SLC7A6OS: variants seen among roughly 807,000 people sequenced by gnomAD.
The protein encoded by SLC7A6OS is solute carrier family 7 member 6 opposite strand.
In SLC7A6OS, 22 loss-of-function variants were observed where a neutral mutation model predicts 34.3. The observed-to-expected ratio is 0.64, with a 90% CI of 0.46 to 0.92. SLC7A6OS has a LOEUF of 0.92. Among genes scored for constraint, SLC7A6OS ranks in the 40% least tolerant of loss-of-function variants. The pLI is 0.00. For synonymous variants in SLC7A6OS, 199 were observed against 165.0 expected (o/e 1.21, Z -1.58); for missense variants, 434 against 407.7 (o/e 1.06, Z -0.56).
intron 2 of SLC7A6OS, 66 bp from the exon 3 acceptor site, chr16:68,304,298 C>G (rs1472283086): frequency 1.4e-6 from 2 of 1,452,074 alleles, no homozygotes; most frequent in Non-Finnish European, 1.9e-6. Context: ...AGAGGAGGAA[C>G]CTATGAGTTG....
chr16:68,310,720 C>G lies in SLC7A6OS; in HGVS notation c.192+15G>C, dbSNP rs954542826. On this transcript the variant is annotated intron_variant, in intron 1 of 4. Coordinates refer to ENST00000263997, the MANE Select transcript of SLC7A6OS (RefSeq NM_032178.3). ...CCGAAGATGCCCTCCACACCAGCTG[C>G]ACCACGCCCAATACCTGGGAGCACA... 29 of 1,595,930 alleles carry G rather than the reference C, an allele frequency of 1.8e-5. No individual in the cohort carries two copies. The highest frequency in any genetic ancestry group is 2.3e-5 in the Non-Finnish European group (27 of 1,167,614).
At position 68,302,400 on chromosome 16, in the gene SLC7A6OS, A is replaced by G. The variant is rs2043290505; in HGVS notation, c.780T>C (p.Asp260=). ...RNEYPEEESS[D]GDEDSRGSAD... is the part of the protein sequence containing the mutation. The stretch of plus-strand genomic sequence containing the variant: ...ACCCACCTCTGGAATCCTCATCTCC[A>G]TCACTGCTCTCCTCCTCTGGGTACT... Residue 260 remains aspartate, a synonymous_variant, in exon 4 of 5, where the codon GAT becomes GAC. Transcript: ENST00000263997. The G allele has an allele frequency of 1.2e-6, 2 of 1,614,166 alleles. No homozygotes were observed. Among genetic ancestry groups the G allele is most frequent in the African/African-American group, 2.7e-5 (2 of 75,040 alleles).
rs1159359178 is a variant in SLC7A6OS, at chr16:68,298,949, C to G, written c.*2326G>C. On this transcript the variant is annotated 3_prime_UTR_variant, in exon 5 of 5. Coordinates refer to ENST00000263997, the MANE Select transcript of SLC7A6OS (RefSeq NM_032178.3). ...TCCCTTCCTGACCATTCTTCTCCAC[C>G]CAGTCACAGATAAGGGAATAACCTT... 1 of 152,604 alleles carries G rather than the reference C, an allele frequency of 6.6e-6. No homozygotes were observed. The highest frequency in any genetic ancestry group is 2.4e-5 in the African/African-American group (1 of 41,430). The allele number at this position is 152,604 out of a possible 1,614,324, so 9.5% of individuals were successfully genotyped here. A position where few individuals can be genotyped will look rare whatever the true frequency, so the allele number is the denominator to read the frequency against.
intron 3 of SLC7A6OS, 103 bp from the exon 4 acceptor site, chr16:68,302,604 G>T: frequency 6.9e-7 from 1 of 1,441,874 alleles, no homozygotes; most frequent in Non-Finnish European, 9.6e-7. Context: ...ATGTAAAAGT[G>T]CCCTGTGAAA....
chr16:68,310,636 G>T (rs779969747), intron 1 of SLC7A6OS, 23 bp from the exon 2 acceptor site: 1 of 1,586,272 alleles, frequency 6.3e-7, no homozygotes, highest in East Asian at 2.3e-5. Flanking sequence ...AGGGGACGGA[G>T]GCCAGCGTAA....
chr16:68,298,498 T>A lies in SLC7A6OS; in HGVS notation c.*2777A>T, dbSNP rs759354849. ...TTCTGTCCCTGGCACCAGGCTTTGTTTACACTTGGAGCCACCTTGGTGTGG... is the reference window on the plus strand; with the variant it reads ...TTCTGTCCCTGGCACCAGGCTTTGTATACACTTGGAGCCACCTTGGTGTGG... On this transcript the variant is annotated 3_prime_UTR_variant, in exon 5 of 5. Transcript: ENST00000263997. 1 of 152,262 alleles carries A rather than the reference T, an allele frequency of 6.6e-6. No homozygotes were observed. Among genetic ancestry groups the A allele is most frequent in the Non-Finnish European group, 1.5e-5 (1 of 68,060 alleles). The allele number at this position is 152,262 out of a possible 1,614,324, so 9.4% of individuals were successfully genotyped here.
chr16:68,308,934 C>T (rs74631179), intron 2 of SLC7A6OS, among the ~76,000 whole-genome samples: 1,630 of 151,944 alleles, frequency 0.011, 33 homozygotes, highest in African/African-American at 0.038. Context: ...CGCTTGTAAT[C>T]CCAGCTATTT....
In SLC7A6OS at chr16:68,310,487, A is replaced by G; in HGVS notation, c.319T>C (p.Ser107Pro). Reference protein sequence around the residue: ...VRQEGRYRVLSSRRSLGTTSS... With the variant: ...VRQEGRYRVLPSRRSLGTTSS... Reference sequence around the variant, plus strand: ...GTGGTCCCCAAGGATCGGCGGCTGGAAAGCACCCGGTAGCGGCCCTCCTGC... The same window carrying G: ...GTGGTCCCCAAGGATCGGCGGCTGGGAAGCACCCGGTAGCGGCCCTCCTGC... Residue 107 changes from serine (S) to proline (P), a missense_variant, in exon 2 of 5, where the codon TCC (serine) becomes CCC (proline). Coordinates refer to ENST00000263997, the MANE Select transcript of SLC7A6OS (RefSeq NM_032178.3). 1 of 1,592,364 alleles carries G rather than the reference A, an allele frequency of 6.3e-7. No homozygotes were observed. The highest frequency in any genetic ancestry group is 8.5e-7 in the Non-Finnish European group (1 of 1,170,242).
chr16:68,303,109 C>G (rs1434395587), intron 3 of SLC7A6OS, among the ~76,000 whole-genome samples: 1 of 151,350 alleles, frequency 6.6e-6, no homozygotes, highest in Admixed American at 6.6e-5. Context: ...ACTAAAAATA[C>G]AAAAATTAGC....
At chr16:68,306,453 A>G (rs1444581220) in intron 2 of SLC7A6OS, among the ~76,000 whole-genome samples, 1 of 152,046 alleles carries the variant, frequency 6.6e-6, no homozygotes, top group Non-Finnish European at 1.5e-5. Context: ...TCCTGACCTC[A>G]TGATCCACCC....
intron 2 of SLC7A6OS, 84 bp downstream of exon 2, chr16:68,310,251 G>A: frequency 1.4e-6 from 2 of 1,418,876 alleles, no homozygotes; most frequent in East Asian, 4.7e-5. Context: ...ATCCCCTTAA[G>A]ATGAAACTGT....
rs980645364 is a variant in SLC7A6OS, at chr16:68,299,782, CTGTTA to C, written c.*1488_*1492del. ...TAATATTAGACATACAAGTTGCTGCCTGTTATAACGGTGAATTATACCTTTGTGCA... is the reference window on the plus strand; with the variant it reads ...TAATATTAGACATACAAGTTGCTGCCTAACGGTGAATTATACCTTTGTGCA... On this transcript the variant is annotated 3_prime_UTR_variant, in exon 5 of 5. Coordinates refer to ENST00000263997, the MANE Select transcript of SLC7A6OS (RefSeq NM_032178.3). 8 of 152,204 alleles carry C rather than the reference CTGTTA, an allele frequency of 5.3e-5. No individual in the cohort carries two copies. Among genetic ancestry groups the C allele is most frequent in the African/African-American group, 1.7e-4 (7 of 41,440 alleles). 9.4% of individuals were successfully genotyped at this position (152,204 alleles called of 1,614,324 possible).
rs1431442214 is a variant in SLC7A6OS, at chr16:68,304,049, G to A, written c.655C>T (p.Pro219Ser). 2 of 1,613,636 alleles carry A rather than the reference G, an allele frequency of 1.2e-6. No homozygotes were observed. The highest frequency in any genetic ancestry group is 1.7e-6 in the Non-Finnish European group (2 of 1,179,898). Residue 219 changes from proline (P) to serine (S), a missense_variant, in exon 3 of 5, where the codon CCC (proline) becomes TCC (serine). Physicochemically the swap from Pro to Ser is moderately conservative, Grantham distance 74 (BLOSUM62 -1). Transcript: ENST00000263997. The part of the protein sequence containing the change: ...GWIENILSVQ[P>S]YSQEWELVND... ...ACCAGCTCCCATTCTTGGCTGTAGG[G>A]CTGCACGGAGAGGATGTTCTCAATC...
At position 68,310,504 on chromosome 16, in the gene SLC7A6OS, C is replaced by T. The variant is rs766957520; in HGVS notation, c.302G>A (p.Gly101Asp). 20 of 1,584,232 alleles carry T rather than the reference C, an allele frequency of 1.3e-5. No individual in the cohort carries two copies. In the East Asian group the frequency reaches 4.2e-4, roughly 33 times the overall value. ...GCGGCTGGAAAGCACCCGGTAGCGG[C>T]CCTCCTGCCGGACCTCCCGAGCCGA... is the stretch of plus-strand genomic sequence containing the variant. Reference protein sequence around the residue: ...RASAREVRQEGRYRVLSSRRS... With the variant: ...RASAREVRQEDRYRVLSSRRS... The change falls in exon 2 of 5, where the codon GGC (glycine) becomes GAC (aspartate). Residue 101 changes from glycine (G) to aspartate (D), a missense_variant. Transcript: ENST00000263997.
Position 68,302,366 on chromosome 16 carries a change from G to C in SLC7A6OS, c.799+15C>G. 4 of 1,613,814 alleles carry C rather than the reference G, an allele frequency of 2.5e-6. No individual in the cohort carries two copies. The highest frequency in any genetic ancestry group is 3.4e-6 in the Non-Finnish European group (4 of 1,179,874). ...AGATCCTACCAGTCCCTCCCGGTCT[G>C]GGGCTGCCACCCACCTCTGGAATCC... On this transcript the variant is annotated intron_variant, in intron 4 of 4. Coordinates refer to ENST00000263997, the MANE Select transcript of SLC7A6OS (RefSeq NM_032178.3).
Position 68,304,070 on chromosome 16 carries a change from C to T in SLC7A6OS, c.634G>A (p.Glu212Lys), listed in dbSNP as rs2043308208. The change falls in exon 3 of 5, where the codon GAG (glutamate) becomes AAG (lysine). Residue 212 changes from glutamate to lysine, a missense_variant. Glu to Lys is a moderately conservative substitution (Grantham distance 56). Transcript: ENST00000263997. ...TAGGGCTGCACGGAGAGGATGTTCT[C>T]AATCCAGCCTGGAGTGGCCGTCTCC... ...YLETATPGWI[E>K]NILSVQPYSQ... The T allele has an allele frequency of 1.9e-6, 3 of 1,613,996 alleles. No individual in the cohort carries two copies. The highest frequency in any genetic ancestry group is 2.5e-6 in the Non-Finnish European group (3 of 1,179,970).
intron 2 of SLC7A6OS, among the ~76,000 whole-genome samples, chr16:68,305,351 T>G (rs1194256456): frequency 1.3e-5 from 2 of 152,212 alleles, no homozygotes; most frequent in Non-Finnish European, 2.9e-5. Context: ...TCACCTATAG[T>G]CTTTCTACTG....
chr16:68,300,667 T>A lies in SLC7A6OS; in HGVS notation c.*608A>T. On this transcript the variant is annotated 3_prime_UTR_variant, in exon 5 of 5. Coordinates refer to ENST00000263997, the MANE Select transcript of SLC7A6OS (RefSeq NM_032178.3). ...AACACATGTATCACATTCATATATA[T>A]TGTTTCTTGGCCCCACTGCCAAAGG... 2 of 985,512 alleles carry A rather than the reference T, an allele frequency of 2.0e-6. No homozygotes were observed. Among genetic ancestry groups the A allele is most frequent in the Non-Finnish European group, 2.4e-6 (2 of 829,962 alleles). The allele number at this position is 985,512 out of a possible 1,614,324, so 61.0% of individuals were successfully genotyped here.
In SLC7A6OS at chr16:68,308,163, A is replaced by G. The variant is rs565062841; in HGVS notation, c.471+2172T>C. On this transcript the variant is annotated intron_variant, in intron 2 of 4. Coordinates refer to ENST00000263997, the MANE Select transcript of SLC7A6OS (RefSeq NM_032178.3). ...GTGATCCACCCGCCTCAGCCTCCCAAAGTGCTGGGATTACAGGCATGAGCC... is the reference window on the plus strand; with the variant it reads ...GTGATCCACCCGCCTCAGCCTCCCAGAGTGCTGGGATTACAGGCATGAGCC... 2.6e-5 allele frequency among the ~76,000 whole-genome samples: 4 copies of G among 151,372 alleles called. No individual in the cohort carries two copies. The East Asian group carries it at 7.9e-4, about 30-fold the overall frequency.
Sources: allele counts gnomAD v4.1 joint callset (sites outside exome capture counted in the v4.1 genomes callset), GRCh38; gene constraint gnomAD v4.1.1; transcripts MANE v1.5; gene names NCBI Gene and HGNC (gene_info 2026-07-23, HGNC 2026-07-21).